LRRC37A: variants seen among roughly 807,000 people sequenced by gnomAD.
LRRC37A encodes leucine-rich repeat-containing protein 37A.
In LRRC37A, 3 loss-of-function variants were observed where a neutral mutation model predicts 35.4. The observed-to-expected ratio is 0.08, with a 90% confidence interval of 0.04 to 0.22. The LOEUF is 0.22. Among genes scored for constraint, LRRC37A ranks in the 10% least tolerant of loss-of-function variants. LRRC37A has a pLI of 1.00. For missense variants in LRRC37A, 67 were observed against 565.3 expected (o/e 0.12, Z 8.94); for synonymous variants, 23 against 215.0 (o/e 0.11, Z 7.81).
At chr17:46,262,094 C>A in the LRRC37A span, among the ~76,000 whole-genome samples, 1 of 152,196 alleles carries the variant, frequency 6.6e-6, no homozygotes, top group Non-Finnish European at 1.5e-5. Context: ...GGACTACAGG[C>A]GAGCACCATC....
At chr17:46,312,790 T>G (rs1232117443) in intron 5 of LRRC37A, among the ~76,000 whole-genome samples, 2 of 51,260 alleles carry the variant, frequency 3.9e-5, no homozygotes. Flanking sequence ...GCACTCACAT[T>G]CTTTCTCTTT....
the LRRC37A span, among the ~76,000 whole-genome samples, chr17:46,281,024 T>G: frequency 6.6e-6 from 1 of 152,124 alleles, no homozygotes; most frequent in East Asian, 1.9e-4. Context: ...ACTTTTAGAT[T>G]TATTCTTCCA....
chr17:46,263,274 C>T, the LRRC37A span, among the ~76,000 whole-genome samples: 1 of 151,792 alleles, frequency 6.6e-6, no homozygotes, highest in Non-Finnish European at 1.5e-5. Context: ...AAATGGAGCC[C>T]GGTGCAGTGG....
rs762524182 is a variant in LRRC37A at position 46,331,192 on chromosome 17, C to A, written c.3915C>A (p.Tyr1305Ter). 1.4e-6 allele frequency: 1 copy of A among 732,070 alleles called. No homozygotes were observed. Among genetic ancestry groups the A allele is most frequent in the Admixed American group, 2.9e-5 (1 of 35,050 alleles). 45.3% of individuals were successfully genotyped at this position (732,070 alleles called of 1,614,324 possible). ...CAATCGTACATGCCAGAAAAAAATACCGCTTTCACAAAACTCGCTCCCACG... is the reference window on the plus strand; with the variant it reads ...CAATCGTACATGCCAGAAAAAAATAACGCTTTCACAAAACTCGCTCCCACG... The change falls in exon 9 of 14, where the codon TAC (tyrosine) becomes TAA (stop). Residue 1305 changes from tyrosine (Y) to a stop codon, truncating the protein, a stop_gained. Coordinates refer to ENST00000320254, the Ensembl canonical transcript of LRRC37A. LOFTEE classifies it high-confidence loss of function.
At chr17:46,281,710 C>T in the LRRC37A span, among the ~76,000 whole-genome samples, 2 of 152,134 alleles carry the variant, frequency 1.3e-5, no homozygotes, top group Admixed American at 1.3e-4. Context: ...GTGGTGTGAT[C>T]TTGGCACACT....
upstream of LRRC37A, among the ~76,000 whole-genome samples, chr17:46,287,854 C>T (rs1169161996): frequency 2.0e-5 from 3 of 152,192 alleles, no homozygotes; most frequent in African/African-American, 7.2e-5. Flanking sequence ...GCACAGTGGC[C>T]TCTGTAATAA....
At chr17:46,248,814 C>T in the LRRC37A span, among the ~76,000 whole-genome samples, 3 of 152,006 alleles carry the variant, frequency 2.0e-5, no homozygotes, top group Admixed American at 2.0e-4. Context: ...GCCACCTCAC[C>T]TGGCCTCACT....
In LRRC37A at chr17:46,325,562, AG is replaced by A. The variant is rs2051686043; in HGVS notation, c.3053+2536del. On this transcript the variant is annotated intron_variant, in intron 7 of 13. Coordinates refer to ENST00000320254, the Ensembl canonical transcript of LRRC37A. ...AAGGAGACTAAAGAATCATGTACTAAGTGTAATGTCTGATGTTTGATTGGAT... is the reference window on the plus strand; with the variant it reads ...AAGGAGACTAAAGAATCATGTACTAATGTAATGTCTGATGTTTGATTGGAT... Among the ~76,000 whole-genome samples, 2 of 81,890 alleles carry A rather than the reference AG, an allele frequency of 2.4e-5. 1 individual carries two copies. Among genetic ancestry groups the A allele is most frequent in the Non-Finnish European group, 7.4e-5 (2 of 26,968 alleles). 53.7% of individuals were successfully genotyped at this position (81,890 alleles called of 152,430 possible).
the LRRC37A span, among the ~76,000 whole-genome samples, chr17:46,255,488 A>C: frequency 0.031 from 3,780 of 122,200 alleles, 44 homozygotes; most frequent in East Asian, 0.12. Context: ...GCCTCAGCCT[A>C]CCGAGTTAGC....
chr17:46,276,573 T>C, the LRRC37A span, among the ~76,000 whole-genome samples: 2 of 152,170 alleles, frequency 1.3e-5, no homozygotes, highest in African/African-American at 4.8e-5. Flanking sequence ...CAAAGTGCAG[T>C]AATGAAAACA....
the LRRC37A span, among the ~76,000 whole-genome samples, chr17:46,284,922 T>C: frequency 6.6e-6 from 1 of 152,206 alleles, no homozygotes; most frequent in African/African-American, 2.4e-5. Flanking sequence ...CAGGCTGGAG[T>C]GGAGTGGCAC....
At chr17:46,317,128 A>G (rs1229944133) in intron 5 of LRRC37A, among the ~76,000 whole-genome samples, 2 of 88,772 alleles carry the variant, frequency 2.3e-5, no homozygotes, top group Non-Finnish European at 3.3e-5. Flanking sequence ...GCTGTTGGGT[A>G]CACCTCCCAG....
chr17:46,280,946 T>G, the LRRC37A span, among the ~76,000 whole-genome samples: 1 of 152,220 alleles, frequency 6.6e-6, no homozygotes, highest in Non-Finnish European at 1.5e-5. Flanking sequence ...TGAAAATGTA[T>G]TTATTCTGAC....
chr17:46,259,458 G>T, the LRRC37A span: 4 of 1,352,020 alleles, frequency 3.0e-6, no homozygotes, highest in Non-Finnish European at 4.1e-6. Flanking sequence ...CACCTTTGGG[G>T]GTCAGATAGT....
the LRRC37A span, among the ~76,000 whole-genome samples, chr17:46,273,178 G>A: frequency 9.2e-5 from 14 of 152,296 alleles, no homozygotes; most frequent in South Asian, 4.1e-4. Flanking sequence ...ATACTGTGAC[G>A]TGATGAGATG....
chr17:46,281,559 A>G, the LRRC37A span, among the ~76,000 whole-genome samples: 2 of 152,182 alleles, frequency 1.3e-5, no homozygotes, highest in Non-Finnish European at 2.9e-5. Context: ...CCTCCTGAGT[A>G]GCTAGGACTA....
upstream of LRRC37A, among the ~76,000 whole-genome samples, chr17:46,288,928 C>T (rs1700972354): frequency 6.6e-6 from 1 of 152,194 alleles, no homozygotes; most frequent in African/African-American, 2.4e-5. Context: ...TAGCCTTGAA[C>T]TCCTGACCTC....
At chr17:46,268,574 C>T in the LRRC37A span, 1 of 1,530,068 alleles carries the variant, frequency 6.5e-7, no homozygotes, top group Non-Finnish European at 8.8e-7. Flanking sequence ...TGCTCCAGGT[C>T]CTGAGAGGCC....
the LRRC37A span, among the ~76,000 whole-genome samples, chr17:46,274,024 C>G: frequency 6.6e-6 from 1 of 152,232 alleles, no homozygotes; most frequent in Admixed American, 6.5e-5. Context: ...GAAGATTCTT[C>G]TCTGACGTGA....
Sources: allele counts gnomAD v4.1 joint callset (sites outside exome capture counted in the v4.1 genomes callset), GRCh38; gene constraint gnomAD v4.1.1; transcripts MANE v1.5; gene names NCBI Gene and HGNC (gene_info 2026-07-23, HGNC 2026-07-21).